ZFAND3: variants seen among roughly 807,000 people sequenced by gnomAD.
The protein encoded by ZFAND3 is zinc finger AN1-type containing 3.
Under a neutral mutation model 29.6 loss-of-function variants are expected in ZFAND3, and 10 were observed. That is an observed-to-expected ratio of 0.34 (90% CI 0.21 to 0.57). ZFAND3 has a LOEUF of 0.57. Ranked by LOEUF, ZFAND3 falls within the 20% of genes least tolerant of loss-of-function variation. The probability of loss-of-function intolerance (pLI) is 0.86; values close to 1 mark genes in which losing one functional copy is unlikely to be tolerated. For synonymous variants in ZFAND3, 128 were observed against 112.6 expected, an observed-to-expected ratio of 1.14 and a Z score of -0.87; for missense variants, 230 against 304.5, an observed-to-expected ratio of 0.76 and a Z score of 1.82.
intron 1 of ZFAND3, among the ~76,000 whole-genome samples, chr6:37,913,219 G>C: frequency 6.6e-6 from 1 of 152,082 alleles, no homozygotes; most frequent in Admixed American, 6.5e-5. Flanking sequence ...TTTCTCTATA[G>C]AATGTAATGC....
intron 1 of ZFAND3, among the ~76,000 whole-genome samples, chr6:37,872,166 A>G (rs556751876): frequency 2.0e-5 from 3 of 152,178 alleles, no homozygotes; most frequent in Non-Finnish European, 4.4e-5. Flanking sequence ...GGATTCTATT[A>G]CCTAACGTGG....
intron 4 of ZFAND3, among the ~76,000 whole-genome samples, chr6:38,109,860 T>G (rs562813656): frequency 6.6e-6 from 1 of 152,168 alleles, no homozygotes; most frequent in African/African-American, 2.4e-5. Flanking sequence ...AAAATCTGAT[T>G]GGTAGATGAT....
chr6:38,083,479 A>G (rs1454412418), intron 4 of ZFAND3, among the ~76,000 whole-genome samples: 2 of 152,092 alleles, frequency 1.3e-5, no homozygotes, highest in African/African-American at 4.8e-5. Flanking sequence ...TTACTGAGGT[A>G]GAAAAGAGCT....
chr6:38,110,848 C>G (rs929077057), intron 4 of ZFAND3, among the ~76,000 whole-genome samples: 13 of 152,186 alleles, frequency 8.5e-5, no homozygotes, highest in African/African-American at 3.1e-4. Flanking sequence ...AAAAGCCTGT[C>G]TGCCTGAGAT....
intron 1 of ZFAND3, among the ~76,000 whole-genome samples, chr6:37,921,414 T>G (rs1761376279): frequency 6.6e-6 from 1 of 151,920 alleles, no homozygotes; most frequent in Non-Finnish European, 1.5e-5. Context: ...TGCCCTAGGT[T>G]TTTCCTTCCA....
At chr6:38,100,196 T>C (rs987877345) in intron 4 of ZFAND3, among the ~76,000 whole-genome samples, 1 of 152,130 alleles carries the variant, frequency 6.6e-6, no homozygotes, top group Non-Finnish European at 1.5e-5. Context: ...CCCAAGTAGC[T>C]GGGACTACAA....
At position 37,969,474 on chromosome 6, in the gene ZFAND3, A is replaced by G. The variant is rs76951979; in HGVS notation, c.112+39475A>G. ...GCCTATAGTCGGGCAAAAATCATGT[A>G]ACAGAAAGCCTATTTTATAATAATG... On this transcript the variant is annotated intron_variant, in intron 2 of 5. Coordinates refer to ENST00000287218, the MANE Select transcript of ZFAND3 (RefSeq NM_021943.3). Among the ~76,000 whole-genome samples, 2,578 of 152,320 alleles carry G rather than the reference A, an allele frequency of 0.017. 248 individuals are homozygous for G. The East Asian group carries it at 0.28, about 16-fold the overall frequency.
At chr6:38,046,238 C>T (rs115847695) in intron 2 of ZFAND3, among the ~76,000 whole-genome samples, 2,914 of 152,250 alleles carry the variant, frequency 0.019, 36 homozygotes, top group Non-Finnish European at 0.032. Context: ...TATTGAGCTG[C>T]ATGGAATAAG....
intron 2 of ZFAND3, among the ~76,000 whole-genome samples, chr6:38,027,259 T>C (rs1361778539): frequency 6.6e-6 from 1 of 152,246 alleles, no homozygotes; most frequent in Non-Finnish European, 1.5e-5. Context: ...CTCCCAAATA[T>C]GAATTTGGCA....
chr6:38,033,992 C>G (rs1322803780), intron 2 of ZFAND3, among the ~76,000 whole-genome samples: 3 of 152,094 alleles, frequency 2.0e-5, no homozygotes, highest in African/African-American at 7.2e-5. Context: ...TTTAAAAAGA[C>G]TTCTAATGAA....
intron 1 of ZFAND3, among the ~76,000 whole-genome samples, chr6:37,889,679 A>C (rs1020273299): frequency 6.6e-6 from 1 of 152,224 alleles, no homozygotes; most frequent in African/African-American, 2.4e-5. Context: ...CCTCTTGGTG[A>C]GTCCTGGAAT....
At chr6:38,084,162 T>A (rs2127471628) in intron 4 of ZFAND3, among the ~76,000 whole-genome samples, 1 of 152,304 alleles carries the variant, frequency 6.6e-6, no homozygotes, top group South Asian at 2.1e-4. Flanking sequence ...CATTTTATTG[T>A]AATTGTTTCT....
At chr6:37,976,584 CA>C (rs35783371) in intron 2 of ZFAND3, among the ~76,000 whole-genome samples, 25,327 of 76,774 alleles carry the variant, frequency 0.33, 1,438 homozygotes, top group Non-Finnish European at 0.36. Context: ...ACACTGTCTC[CA>C]AAAAAAAAAA....
intron 2 of ZFAND3, among the ~76,000 whole-genome samples, chr6:37,983,263 C>G (rs773214370): frequency 3.8e-4 from 58 of 151,212 alleles, no homozygotes; most frequent in Non-Finnish European, 5.6e-4. Flanking sequence ...ATTTACTGAC[C>G]ATTCACTTAC....
intron 3 of ZFAND3, among the ~76,000 whole-genome samples, chr6:38,076,642 G>T (rs1240169113): frequency 1.3e-5 from 2 of 152,156 alleles, no homozygotes; most frequent in Admixed American, 1.3e-4. Flanking sequence ...AAAAAGTTTT[G>T]TAAATGGTTT....
chr6:38,102,682 A>T (rs796614774), intron 4 of ZFAND3, among the ~76,000 whole-genome samples: 19 of 152,338 alleles, frequency 1.2e-4, no homozygotes, highest in African/African-American at 4.6e-4. Flanking sequence ...TATAAGGCTG[A>T]ATTTAAATGC....
intron 3 of ZFAND3, among the ~76,000 whole-genome samples, chr6:38,076,736 A>G (rs1322956044): frequency 2.0e-5 from 3 of 152,212 alleles, no homozygotes; most frequent in African/African-American, 7.2e-5. Flanking sequence ...CCAACTCACT[A>G]TATGTATCCT....
intron 1 of ZFAND3, among the ~76,000 whole-genome samples, chr6:37,823,861 G>A (rs1242141966): frequency 6.6e-6 from 1 of 151,768 alleles, no homozygotes; most frequent in African/African-American, 2.4e-5. Flanking sequence ...GCGCAAGCTT[G>A]GCTCACCGCA....
intron 2 of ZFAND3, among the ~76,000 whole-genome samples, chr6:38,001,646 A>G (rs1360657131): frequency 6.6e-6 from 1 of 152,148 alleles, no homozygotes; most frequent in Admixed American, 6.5e-5. Flanking sequence ...CCATTAATTC[A>G]TCCCTTGGTC....
Sources: allele counts gnomAD v4.1 joint callset (sites outside exome capture counted in the v4.1 genomes callset), GRCh38; gene constraint gnomAD v4.1.1; transcripts MANE v1.5; gene names NCBI Gene and HGNC (gene_info 2026-07-23, HGNC 2026-07-21).